ZNF785: variants seen among roughly 807,000 people sequenced by gnomAD.
The protein encoded by ZNF785 is zinc finger protein 785.
Under a neutral mutation model 11.3 loss-of-function variants are expected in ZNF785, and 15 were observed. The ratio of observed to expected loss-of-function variants is 1.32; its 90% confidence interval spans 0.89 to 2.04. The LOEUF (loss-of-function observed/expected upper bound fraction) is 2.04. Ranked by LOEUF, ZNF785 falls within the 30% of genes most tolerant of loss-of-function variation. ZNF785 has a pLI of 0.00. For missense variants in ZNF785, 572 were observed against 560.9 expected, an observed-to-expected ratio of 1.02 and a Z score of -0.20; for synonymous variants, 221 against 231.0, an observed-to-expected ratio of 0.96 and a Z score of 0.39.
rs2051812698 is a variant in ZNF785, at chr16:30,581,711, TGGCCACCTCTA to T, written c.*838_*848del. The T allele has an allele frequency of 6.6e-6, 1 of 152,174 alleles. No homozygotes were observed. The highest frequency in any genetic ancestry group is 2.4e-5 in the African/African-American group (1 of 41,440). The allele number at this position is 152,174 out of a possible 1,614,324, so 9.4% of individuals were successfully genotyped here. A position where few individuals can be genotyped will look rare whatever the true frequency, so the allele number is the denominator to read the frequency against. On this transcript the variant is annotated 3_prime_UTR_variant, in exon 3 of 3. Transcript: ENST00000395216. ...CCACCTGAGGCCACTGTCCTCTCTA[TGGCCACCTCTA>T]GGTCTTCAAGACCAAGGAACACCTA...
downstream of ZNF785, among the ~76,000 whole-genome samples, chr16:30,580,184 G>GA (rs1482739392): frequency 8.9e-6 from 1 of 112,724 alleles, no homozygotes; most frequent in Non-Finnish European, 1.8e-5. Context: ...ACCACACCAG[G>GA]CCTTTTTTTT....
In ZNF785 at chr16:30,582,803, GGAA is replaced by G. The variant is rs2151236850; in HGVS notation, c.972_974del (p.Ser325del). 1.9e-6 allele frequency: 3 copies of G among 1,607,722 alleles called. No homozygotes were observed. The East Asian group carries it at 6.7e-5, about 36-fold the overall frequency. On this transcript the variant is annotated inframe_deletion, in exon 3 of 3. Transcript: ENST00000395216. Reference sequence around the variant, plus strand: ...GAATGCGCCGGTGACTGAGGAGGAGGGAAGAATAGGTGAAGCGGCGGCCGCAGT... The same window carrying G: ...GAATGCGCCGGTGACTGAGGAGGAGGGAATAGGTGAAGCGGCGGCCGCAGT...
chr16:30,579,680 C>T, downstream of ZNF785: 1 of 417,752 alleles, frequency 2.4e-6, no homozygotes, highest in South Asian at 1.7e-5. Flanking sequence ...GTGCCCGGCA[C>T]CAGTTCCCAT....
chr16:30,585,534 C>T lies in ZNF785; in HGVS notation c.78G>A (p.Pro26=), dbSNP rs112068699. ...AGPRRTRESR[P]GAVSFADVAV... Reference sequence around the variant, plus strand: ...CCACGTCCGCGAAGCTCACGGCGCCCGGCCTGCTTTCCCTCGTCCTCCGGG... The same window carrying T: ...CCACGTCCGCGAAGCTCACGGCGCCTGGCCTGCTTTCCCTCGTCCTCCGGG... Residue 26 remains proline (P), a synonymous_variant, in exon 1 of 3, where the codon CCG becomes CCA. Transcript: ENST00000395216. The surrounding 1 kb of genome is among the most constrained non-coding windows in gnomAD (Gnocchi z 4.0). The T allele has an allele frequency of 5.2e-5, 83 of 1,581,540 alleles. 2 individuals are homozygous for T. The African/African-American group carries it at 6.3e-4, about 12-fold the overall frequency.
At position 30,582,804 on chromosome 16, in the gene ZNF785, G is replaced by A. The variant is rs767466583; in HGVS notation, c.974C>T (p.Ser325Phe). Residue 325 changes from serine (S) to phenylalanine (F), a missense_variant, in exon 3 of 3, where the codon TCC (serine) becomes TTC (phenylalanine). Physicochemically the swap from Ser to Phe is radical, Grantham distance 155. Transcript: ENST00000395216. Reference protein sequence around the residue: ...PDCGRRFTYSSLLLSHRRIHS... With the variant: ...PDCGRRFTYSFLLLSHRRIHS... ...AATGCGCCGGTGACTGAGGAGGAGG[G>A]AAGAATAGGTGAAGCGGCGGCCGCA... 54 of 1,607,686 alleles carry A rather than the reference G, an allele frequency of 3.4e-5. No homozygotes were observed. The highest frequency in any genetic ancestry group is 4.6e-5 in the Non-Finnish European group (54 of 1,176,042).
downstream of ZNF785, chr16:30,579,874 A>G (rs1007400407): frequency 2.2e-6 from 1 of 455,482 alleles, no homozygotes; most frequent in Non-Finnish European, 4.4e-6. Context: ...GAACTCTCTT[A>G]ACTGTTGTTT....
Position 30,583,094 on chromosome 16 carries a change from G to A in ZNF785, c.684C>T (p.Tyr228=). The change falls in exon 3 of 3, where the codon TAC becomes TAT. Residue 228 remains tyrosine (Y), a synonymous_variant. Transcript: ENST00000395216. The part of the protein sequence containing the change: ...HQFIHTGEKP[Y]PCPDCGRRFR... ...AGCGGCGCCCGCAGTCGGGGCAGGG[G>A]TAGGGCTTCTCGCCGGTGTGGATGA... 1.9e-6 allele frequency: 3 copies of A among 1,614,164 alleles called. No homozygotes were observed. Among genetic ancestry groups the A allele is most frequent in the East Asian group, 2.2e-5 (1 of 44,880 alleles).
chr16:30,579,838 G>C (rs955462517), downstream of ZNF785: 1 of 455,846 alleles, frequency 2.2e-6, no homozygotes, highest in Non-Finnish European at 4.4e-6. Flanking sequence ...CAAAAGTAGG[G>C]CTAGCAGATC....
rs1031992353 is a variant in ZNF785 at position 30,581,578 on chromosome 16, A to C, written c.*982T>G. The C allele has an allele frequency of 6.6e-6, 1 of 152,246 alleles. No individual in the cohort carries two copies. The highest frequency in any genetic ancestry group is 1.5e-5 in the Non-Finnish European group (1 of 68,048). The allele number at this position is 152,246 out of a possible 1,614,324, so 9.4% of individuals were successfully genotyped here. ...GAACATGCAAATATCTGAAGAAGAA[A>C]AAAACACTGCAATCACTAATGCATA... On this transcript the variant is annotated 3_prime_UTR_variant, in exon 3 of 3. Coordinates refer to ENST00000395216, the MANE Select transcript of ZNF785 (RefSeq NM_152458.7).
Position 30,585,677 on chromosome 16 carries a change from T to C in ZNF785, c.-66A>G. 6.9e-7 allele frequency: 1 copy of C among 1,443,702 alleles called. No individual in the cohort carries two copies. Among genetic ancestry groups the C allele is most frequent in the Non-Finnish European group, 9.0e-7 (1 of 1,105,992 alleles). The allele number at this position is 1,443,702 out of a possible 1,614,324, so 89.4% of individuals were successfully genotyped here. On this transcript the variant is annotated 5_prime_UTR_variant, in exon 1 of 3. Transcript: ENST00000395216. This position sits in a 1 kb window ranked among gnomAD's most constrained non-coding sequence, Gnocchi z 4.0. ...AGGTGGAGATGCTGGCGCTTTCCTG[T>C]CTTTCCTCAGACAAGTCCGTAAGGG...
downstream of ZNF785, chr16:30,578,925 T>A (rs1057052402): frequency 6.6e-6 from 1 of 151,198 alleles, no homozygotes; most frequent in African/African-American, 2.4e-5. Context: ...CAAGCTATCC[T>A]CCTTCTTCAC....
At position 30,582,234 on chromosome 16, in the gene ZNF785, T is replaced by G. The variant is rs921090479; in HGVS notation, c.*326A>C. The G allele has an allele frequency of 2.1e-5, 7 of 326,708 alleles. No homozygotes were observed. The highest frequency in any genetic ancestry group is 1.0e-4 in the South Asian group (3 of 29,026). 20.2% of individuals were successfully genotyped at this position (326,708 alleles called of 1,614,324 possible). On this transcript the variant is annotated 3_prime_UTR_variant, in exon 3 of 3. Coordinates refer to ENST00000395216, the MANE Select transcript of ZNF785 (RefSeq NM_152458.7). ...TGTAGGGGACCCCATCTCAGAGGAG[T>G]AGGAGAGATACAGGCCAAAAAGCAG...
Position 30,582,040 on chromosome 16 carries a change from A to G in ZNF785, c.*520T>C. On this transcript the variant is annotated 3_prime_UTR_variant, in exon 3 of 3. Transcript: ENST00000395216. ...GCAGAGGTTGCAGTGAGCCGAGATC[A>G]CGCCACTGCACTCCAGCCTGGGCGA... The G allele has an allele frequency of 6.5e-6, 1 of 154,152 alleles. No homozygotes were observed. The highest frequency in any genetic ancestry group is 2.0e-4 in the South Asian group (1 of 4,920). The allele number at this position is 154,152 out of a possible 1,614,324, so 9.5% of individuals were successfully genotyped here. A position where few individuals can be genotyped will look rare whatever the true frequency, so the allele number is the denominator to read the frequency against.
In ZNF785 at chr16:30,585,589, CGCGGCGCCAGGG is replaced by C; in HGVS notation, c.11_22del (p.Pro4_Pro7del). On this transcript the variant is annotated inframe_deletion, in exon 1 of 3. Transcript: ENST00000395216. This position sits in a 1 kb window ranked among gnomAD's most constrained non-coding sequence, Gnocchi z 4.0. ...GGCCTCCCCGGGTACGTGGGCCGGG[CGCGGCGCCAGGG>C]GCGGCCCCATGGGAAACCCTTTCTG... 1.3e-6 allele frequency: 2 copies of C among 1,516,334 alleles called. No individual in the cohort carries two copies. The highest frequency in any genetic ancestry group is 1.8e-6 in the Non-Finnish European group (2 of 1,137,602). 93.9% of individuals were successfully genotyped at this position (1,516,334 alleles called of 1,614,324 possible).
In ZNF785 at chr16:30,580,844, T is replaced by A. The variant is rs752847414; in HGVS notation, c.*1716A>T. On this transcript the variant is annotated 3_prime_UTR_variant, in exon 3 of 3. Coordinates refer to ENST00000395216, the MANE Select transcript of ZNF785 (RefSeq NM_152458.7). Reference sequence around the variant, plus strand: ...ACAAGCATTACAGTAAAAATTAGACTGGAAAGACTATGCCTTGATTTCAAC... The same window carrying A: ...ACAAGCATTACAGTAAAAATTAGACAGGAAAGACTATGCCTTGATTTCAAC... The A allele has an allele frequency of 6.6e-6, 1 of 152,068 alleles. No individual in the cohort carries two copies. The highest frequency in any genetic ancestry group is 1.5e-5 in the Non-Finnish European group (1 of 68,008). 9.4% of individuals were successfully genotyped at this position (152,068 alleles called of 1,614,324 possible). A position where few individuals can be genotyped will look rare whatever the true frequency, so the allele number is the denominator to read the frequency against.
chr16:30,583,045 T>G lies in ZNF785; in HGVS notation c.733A>C (p.Ile245Leu). The change falls in exon 3 of 3, where the codon ATC (isoleucine) becomes CTC (leucine). Residue 245 changes from isoleucine (I) to leucine (L), a missense_variant. Coordinates refer to ENST00000395216, the MANE Select transcript of ZNF785 (RefSeq NM_152458.7). Reference sequence around the variant, plus strand: ...TCCCCGGTGTGAGCCCGCCTGTGGATAGCCAGGGAACCCCTCTGGCGGAAG... The same window carrying G: ...TCCCCGGTGTGAGCCCGCCTGTGGAGAGCCAGGGAACCCCTCTGGCGGAAG... The part of the protein sequence containing the change: ...RRFRQRGSLA[I>L]HRRAHTGEKP... 1 of 1,613,800 alleles carries G rather than the reference T, an allele frequency of 6.2e-7. No individual in the cohort carries two copies. The highest frequency in any genetic ancestry group is 8.5e-7 in the Non-Finnish European group (1 of 1,179,934).
chr16:30,584,971 C>T, intron 2 of ZNF785, 151 bp downstream of exon 2: 1 of 1,065,008 alleles, frequency 9.4e-7, no homozygotes, highest in African/African-American at 1.6e-5. Flanking sequence ...GCTGTTCCAT[C>T]GGGCCATTTT....
Position 30,583,192 on chromosome 16 carries a change from C to G in ZNF785, c.586G>C (p.Gly196Arg), listed in dbSNP as rs767002285. 16 of 1,613,930 alleles carry G rather than the reference C, an allele frequency of 9.9e-6. No individual in the cohort carries two copies. The highest frequency in any genetic ancestry group is 4.2e-6 in the Non-Finnish European group (5 of 1,180,006). ...LLASHQRVHS[G>R]ERPFSCGQCQ... ...TGGCCGCAGGAGAAGGGCCGCTCCC[C>G]GGAGTGGACCCGCTGGTGGCTGGCC... The change falls in exon 3 of 3, where the codon GGG becomes CGG. Residue 196 changes from glycine (G) to arginine (R), a missense_variant. Coordinates refer to ENST00000395216, the MANE Select transcript of ZNF785 (RefSeq NM_152458.7).
chr16:30,583,156 G>A lies in ZNF785; in HGVS notation c.622C>T (p.Arg208Cys). The A allele has an allele frequency of 6.2e-7, 1 of 1,613,882 alleles. No homozygotes were observed. Among genetic ancestry groups the A allele is most frequent in the Non-Finnish European group, 8.5e-7 (1 of 1,179,926 alleles). Residue 208 changes from arginine (R) to cysteine (C), a missense_variant, in exon 3 of 3, where the codon CGT becomes TGT. Physicochemically the swap from Arg to Cys is radical, Grantham distance 180. Transcript: ENST00000395216. ...AGCAGGTACCTGCGCTGGGAGAAAC[G>A]CGCCTGACACTGGCCGCAGGAGAAG... Reference protein sequence around the residue: ...RPFSCGQCQARFSQRRYLLQH... With the variant: ...RPFSCGQCQACFSQRRYLLQH...
Sources: gnomAD v4.1 joint callset for allele counts (sites outside exome capture counted in the v4.1 genomes callset) on GRCh38, gnomAD v4.1.1 for gene constraint, Gnocchi (gnomAD v3.1) non-coding constraint, MANE v1.5 for transcripts, NCBI Gene and HGNC (gene_info 2026-07-23, HGNC 2026-07-21) for gene names.